Variants in IMMP2L observed in about 807,000 individuals in gnomAD.
The protein encoded by IMMP2L is mitochondrial inner membrane protease subunit 2.
IMMP2L carries 18 observed loss-of-function variants against 19.3 expected under a neutral mutation model. The observed-to-expected ratio is 0.93, with a 90% confidence interval of 0.64 to 1.38. The LOEUF (loss-of-function observed/expected upper bound fraction) is 1.38. Among genes scored for constraint, IMMP2L ranks in the 40% most tolerant of loss-of-function variants. The pLI is 0.00. For synonymous variants in IMMP2L, 76 were observed against 73.0 expected (o/e 1.04, Z -0.21); for missense variants, 233 against 218.2 (o/e 1.07, Z -0.43).
intron 5 of IMMP2L, among the ~76,000 whole-genome samples, chr7:110,826,503 A>C (rs1468644850): frequency 1.3e-5 from 2 of 152,214 alleles, no homozygotes; most frequent in East Asian, 3.9e-4. Context: ...AATACTATGC[A>C]GCCATAAAAA....
At chr7:111,281,156 CAGAAAGAAAGA>C (rs1472356549) in intron 3 of IMMP2L, among the ~76,000 whole-genome samples, 15 of 67,848 alleles carry the variant, frequency 2.2e-4, no homozygotes, top group Non-Finnish European at 3.8e-4. Flanking sequence ...GACAGAAAGA[CAGAAAGAAAGA>C]AAGAAAGAAA....
In IMMP2L at chr7:110,957,600, G is replaced by A. The variant is rs536032380; in HGVS notation, c.305+5900C>T. ...TCCTTTCTAGGACCCACAAGGCTCT[G>A]AAAACCTCTCAGATCTAATCTTACT... On this transcript the variant is annotated intron_variant, in intron 4 of 5. Coordinates refer to ENST00000405709, the MANE Select transcript of IMMP2L (RefSeq NM_032549.4). Among the ~76,000 whole-genome samples, 7 of 152,018 alleles carry A rather than the reference G, an allele frequency of 4.6e-5. No homozygotes were observed. In the South Asian group the frequency reaches 1.2e-3, roughly 27 times the overall value.
At chr7:111,125,472 T>C (rs1412739037) in intron 3 of IMMP2L, 2 of 167,014 alleles carry the variant, frequency 1.2e-5, no homozygotes, top group African/African-American at 2.4e-5. Flanking sequence ...TGATCAGATA[T>C]CATTTAAATG....
At chr7:111,128,710 A>G (rs1251385393) in intron 3 of IMMP2L, among the ~76,000 whole-genome samples, 1 of 152,148 alleles carries the variant, frequency 6.6e-6, no homozygotes, top group African/African-American at 2.4e-5. Context: ...CTGTAGTCCC[A>G]GCTACTCGGG....
intron 3 of IMMP2L, among the ~76,000 whole-genome samples, chr7:111,384,261 G>A (rs938818268): frequency 6.7e-6 from 1 of 150,150 alleles, no homozygotes; most frequent in East Asian, 2.0e-4. Context: ...GGAGAAAGGA[G>A]AAAGGAGAGA....
chr7:111,469,697 G>A (rs560067602), intron 3 of IMMP2L, among the ~76,000 whole-genome samples: 1 of 152,160 alleles, frequency 6.6e-6, no homozygotes, highest in Admixed American at 6.6e-5. Context: ...CTGGATCCCT[G>A]CCTTACATCT....
chr7:111,080,257 G>A (rs146419047), intron 3 of IMMP2L, among the ~76,000 whole-genome samples: 1 of 152,216 alleles, frequency 6.6e-6, no homozygotes, highest in African/African-American at 2.4e-5. Flanking sequence ...CTCATGTTCT[G>A]TGGTACTTGG....
intron 3 of IMMP2L, among the ~76,000 whole-genome samples, chr7:111,349,796 G>A (rs1208100854): frequency 6.6e-6 from 1 of 152,042 alleles, no homozygotes; most frequent in Non-Finnish European, 1.5e-5. Context: ...GCCCAATCCA[G>A]CCTTCTAGCT....
chr7:110,681,464 T>C (rs1001474851), intron 5 of IMMP2L, among the ~76,000 whole-genome samples: 1 of 152,170 alleles, frequency 6.6e-6, no homozygotes, highest in African/African-American at 2.4e-5. Flanking sequence ...GGAATTGTTC[T>C]GACTTGTAGC....
chr7:110,928,310 TA>T (rs1815079734), intron 4 of IMMP2L, among the ~76,000 whole-genome samples: 1 of 147,888 alleles, frequency 6.8e-6, no homozygotes, highest in South Asian at 2.1e-4. Context: ...AAAATATAAT[TA>T]AAAATATATG....
intron 3 of IMMP2L, among the ~76,000 whole-genome samples, chr7:111,464,998 T>C (rs1423308417): frequency 2.6e-5 from 4 of 152,088 alleles, no homozygotes; most frequent in Admixed American, 1.3e-4. Flanking sequence ...TTCACCGTGT[T>C]AGCCAGGATG....
intron 3 of IMMP2L, among the ~76,000 whole-genome samples, chr7:111,033,945 G>T (rs1007318045): frequency 6.6e-6 from 1 of 152,110 alleles, no homozygotes; most frequent in South Asian, 2.1e-4. Context: ...AGATCACTGA[G>T]AATAAACTAT....
chr7:111,555,438 C>T (rs900591211), intron 1 of IMMP2L, among the ~76,000 whole-genome samples: 2 of 130,914 alleles, frequency 1.5e-5, no homozygotes, highest in Admixed American at 8.7e-5. Context: ...GCAAACAAAG[C>T]GACAACCTAA....
chr7:110,825,547 T>C (rs552028211), intron 5 of IMMP2L, among the ~76,000 whole-genome samples: 1 of 152,194 alleles, frequency 6.6e-6, no homozygotes, highest in Admixed American at 6.5e-5. Context: ...TCTACAACCA[T>C]CTGATCTTTG....
intron 3 of IMMP2L, among the ~76,000 whole-genome samples, chr7:110,988,149 C>T (rs1185349315): frequency 1.3e-5 from 2 of 152,130 alleles, no homozygotes; most frequent in Non-Finnish European, 2.9e-5. Flanking sequence ...ACAAAGTGCA[C>T]TAAAAATGCA....
chr7:111,034,834 T>TA, intron 3 of IMMP2L, among the ~76,000 whole-genome samples: 1 of 152,106 alleles, frequency 6.6e-6, no homozygotes, highest in East Asian at 1.9e-4. Flanking sequence ...CTAATGACCA[T>TA]AACAGCACCA....
intron 3 of IMMP2L, among the ~76,000 whole-genome samples, chr7:111,200,581 G>A (rs80172100): frequency 0.024 from 3,505 of 148,572 alleles, 134 homozygotes; most frequent in African/African-American, 0.081. Flanking sequence ...ATTTCTGCCC[G>A]TGAAGAACTC....
chr7:110,934,007 T>C (rs969365430), intron 4 of IMMP2L, among the ~76,000 whole-genome samples: 3 of 152,282 alleles, frequency 2.0e-5, no homozygotes, highest in South Asian at 2.1e-4. Context: ...AAACACCGCA[T>C]TAGCTGTGTC....
At chr7:111,020,365 CAGAG>C (rs1472189164) in intron 3 of IMMP2L, among the ~76,000 whole-genome samples, 3 of 152,214 alleles carry the variant, frequency 2.0e-5, no homozygotes, top group Admixed American at 6.5e-5. Flanking sequence ...GCCTGAGTGA[CAGAG>C]AGGGATTCCA....
Sources: allele counts gnomAD v4.1 joint callset (sites outside exome capture counted in the v4.1 genomes callset), GRCh38; gene constraint gnomAD v4.1.1; transcripts MANE v1.5; gene names NCBI Gene and HGNC (gene_info 2026-07-23, HGNC 2026-07-21).